RAB6A: variants seen among roughly 807,000 people sequenced by gnomAD.
RAB6A encodes the protein ras-related protein Rab-6A.
RAB6A carries 8 observed loss-of-function variants against 32.3 expected under a neutral mutation model. The observed-to-expected ratio is 0.25, with a 90% confidence interval of 0.15 to 0.45. The LOEUF is 0.45. Ranked by LOEUF, RAB6A falls within the 20% of genes least tolerant of loss-of-function variation. The pLI, the probability that RAB6A is intolerant of heterozygous loss-of-function variation, is 1.00. For missense variants in RAB6A, 104 were observed against 249.4 expected, an observed-to-expected ratio of 0.42 and a Z score of 3.93; for synonymous variants, 73 against 82.1, an observed-to-expected ratio of 0.89 and a Z score of 0.60.
intron 1 of RAB6A, among the ~76,000 whole-genome samples, chr11:73,753,975 T>G (rs1033574960): frequency 1.3e-5 from 2 of 152,384 alleles, no homozygotes; most frequent in South Asian, 4.1e-4. Flanking sequence ...AAACACTTTC[T>G]GAGCACTTCT....
At chr11:73,749,347 T>C (rs543583503) in intron 1 of RAB6A, among the ~76,000 whole-genome samples, 1 of 152,140 alleles carries the variant, frequency 6.6e-6, no homozygotes, top group East Asian at 1.9e-4. Context: ...ATAATGGACT[T>C]TGGGGACTCA....
In RAB6A at chr11:73,737,994, CA is replaced by C. The variant is rs57456237; in HGVS notation, c.71-7172del. Among the ~76,000 whole-genome samples the C allele has an allele frequency of 4.3e-3, 428 of 99,692 alleles. 1 individual carries two copies. Among genetic ancestry groups the C allele is most frequent in the African/African-American group, 0.016 (387 of 24,290 alleles). The allele number at this position is 99,692 out of a possible 152,430, so 65.4% of individuals were successfully genotyped here. A position where few individuals can be genotyped will look rare whatever the true frequency, so the allele number is the denominator to read the frequency against. On this transcript the variant is annotated intron_variant, in intron 1 of 7. Coordinates refer to ENST00000336083, the MANE Select transcript of RAB6A (RefSeq NM_198896.2). ...TGGGCAACAGAGGGAGACTCCATCT[CA>C]AAAAAAAAAAAAAAAAAGACCACAT...
intron 6 of RAB6A, among the ~76,000 whole-genome samples, chr11:73,700,416 T>C (rs1945721466): frequency 6.6e-6 from 1 of 151,920 alleles, no homozygotes; most frequent in Non-Finnish European, 1.5e-5. Context: ...GACCCATCTC[T>C]AGGAAAAATA....
At chr11:73,733,520 G>T (rs1229043867) in intron 1 of RAB6A, among the ~76,000 whole-genome samples, 1 of 151,256 alleles carries the variant, frequency 6.6e-6, no homozygotes, top group African/African-American at 2.4e-5. Flanking sequence ...CTGCACTCCA[G>T]CCTGGGCGAC....
chr11:73,693,758 G>A (rs1945614033), intron 6 of RAB6A, among the ~76,000 whole-genome samples: 1 of 151,732 alleles, frequency 6.6e-6, no homozygotes, highest in Admixed American at 6.6e-5. Flanking sequence ...GTGGACGCCT[G>A]TAGTCCCTAC....
At chr11:73,684,959 C>A (rs1052864518) in intron 6 of RAB6A, among the ~76,000 whole-genome samples, 1 of 152,232 alleles carries the variant, frequency 6.6e-6, no homozygotes, top group Non-Finnish European at 1.5e-5. Context: ...AGTTTGCTCT[C>A]AGACTTCCAT....
intron 6 of RAB6A, among the ~76,000 whole-genome samples, chr11:73,697,399 C>T (rs1400331830): frequency 1.3e-5 from 2 of 151,950 alleles, no homozygotes; most frequent in African/African-American, 2.4e-5. Flanking sequence ...GGCATGGTCT[C>T]GGCTCACTGC....
chr11:73,679,764 G>C, intron 6 of RAB6A, 44 bp from the exon 7 acceptor site: 1 of 1,609,114 alleles, frequency 6.2e-7, no homozygotes, highest in Non-Finnish European at 8.5e-7. Context: ...GGAACATTTA[G>C]CAAAGGGTAC....
At chr11:73,681,792 G>A (rs181459527) in intron 6 of RAB6A, among the ~76,000 whole-genome samples, 48 of 152,262 alleles carry the variant, frequency 3.2e-4, no homozygotes, top group Admixed American at 2.7e-3. Context: ...CTGGGCGACA[G>A]AGCAAGACTC....
At chr11:73,695,601 T>C (rs1945644419) in intron 6 of RAB6A, among the ~76,000 whole-genome samples, 1 of 152,110 alleles carries the variant, frequency 6.6e-6, no homozygotes, top group Non-Finnish European at 1.5e-5. Context: ...AGGCTGGTCT[T>C]GAACTCCTGA....
chr11:73,760,482 G>A (rs1946828400), intron 1 of RAB6A, 84 bp downstream of exon 1: 1 of 1,493,156 alleles, frequency 6.7e-7, no homozygotes, highest in South Asian at 1.3e-5. Flanking sequence ...CGGGCAGGGA[G>A]CCTCCGCGGA....
chr11:73,679,414 A>G (rs1283256629), intron 7 of RAB6A, among the ~76,000 whole-genome samples: 1 of 152,224 alleles, frequency 6.6e-6, no homozygotes, highest in African/African-American at 2.4e-5. Context: ...TTTCCTGCTC[A>G]TTTAAAAGCA....
At chr11:73,700,651 G>C (rs1482757704) in intron 6 of RAB6A, among the ~76,000 whole-genome samples, 1 of 147,382 alleles carries the variant, frequency 6.8e-6, no homozygotes, top group Non-Finnish European at 1.5e-5. Flanking sequence ...AGAAATCTAA[G>C]GAGTAAAACT....
In RAB6A at chr11:73,675,698, A is replaced by G. The variant is rs1323647535; in HGVS notation, c.*2200T>C. On this transcript the variant is annotated 3_prime_UTR_variant, in exon 8 of 8. Coordinates refer to ENST00000336083, the MANE Select transcript of RAB6A (RefSeq NM_198896.2). ...CAGCAAAATTGTGTTTATTAAAAAA[A>G]AAACCTGGACTATGAACACACTTCA... is the stretch of plus-strand genomic sequence containing the variant. 1.3e-5 allele frequency: 2 copies of G among 156,914 alleles called. No homozygotes were observed. 9.7% of individuals were successfully genotyped at this position (156,914 alleles called of 1,614,324 possible). A position where few individuals can be genotyped will look rare whatever the true frequency, so the allele number is the denominator to read the frequency against.
intron 4 of RAB6A, among the ~76,000 whole-genome samples, chr11:73,717,607 G>T (rs984391808): frequency 6.6e-6 from 1 of 152,162 alleles, no homozygotes; most frequent in Admixed American, 6.6e-5. Context: ...ACCACACCTG[G>T]CTAATTTTGC....
At chr11:73,744,743 G>A (rs559671619) in intron 1 of RAB6A, among the ~76,000 whole-genome samples, 8 of 152,204 alleles carry the variant, frequency 5.3e-5, no homozygotes, top group South Asian at 4.1e-4. Flanking sequence ...TTGGGAGGCC[G>A]AGGCGGGCAG....
In RAB6A at chr11:73,694,734, T is replaced by C. The variant is rs188287816; in HGVS notation, c.495+12686A>G. On this transcript the variant is annotated intron_variant, in intron 6 of 7. Coordinates refer to ENST00000336083, the MANE Select transcript of RAB6A (RefSeq NM_198896.2). The stretch of plus-strand genomic sequence containing the variant: ...AAAATTAATTTAAAAATATACCAGG[T>C]CAGGCACAGTGGCTCATGCCTATAA... Among the ~76,000 whole-genome samples, 302 of 152,014 alleles carry C rather than the reference T, an allele frequency of 2.0e-3. 2 individuals are homozygous for C. Among genetic ancestry groups the C allele is most frequent in the African/African-American group, 6.8e-3 (281 of 41,472 alleles).
chr11:73,731,085 A>G (rs986674431), intron 1 of RAB6A, among the ~76,000 whole-genome samples: 17 of 152,216 alleles, frequency 1.1e-4, no homozygotes, highest in African/African-American at 3.6e-4. Flanking sequence ...TGACATTCCT[A>G]ATTCACAAAA....
chr11:73,743,318 A>AC (rs1325392166), intron 1 of RAB6A, among the ~76,000 whole-genome samples: 2 of 151,902 alleles, frequency 1.3e-5, no homozygotes, highest in African/African-American at 2.4e-5. Context: ...AAAAAAAAAA[A>AC]AAAGAGAAAA....
Sources: allele counts gnomAD v4.1 joint callset (sites outside exome capture counted in the v4.1 genomes callset), GRCh38; gene constraint gnomAD v4.1.1; transcripts MANE v1.5; gene names NCBI Gene and HGNC (gene_info 2026-07-23, HGNC 2026-07-21).